Variants in EYA2 observed in about 807,000 individuals in gnomAD.
EYA2 encodes EYA transcriptional coactivator and phosphatase 2.
In EYA2, 31 loss-of-function variants were observed where a neutral mutation model predicts 69.2. The ratio of observed to expected loss-of-function variants is 0.45; its 90% CI spans 0.34 to 0.60. EYA2 has a LOEUF of 0.60. EYA2 is among the 20% of genes least tolerant of loss of function. EYA2 has a pLI of 0.02. For missense variants in EYA2, 622 were observed against 701.2 expected (o/e 0.89, Z 1.28); for synonymous variants, 257 against 279.4 (o/e 0.92, Z 0.80).
chr20:47,074,009 G>T, intron 6 of EYA2, 149 bp from the exon 7 acceptor site: 1 of 653,482 alleles, frequency 1.5e-6, no homozygotes, highest in East Asian at 3.1e-5. Context: ...CTTGCCCCGG[G>T]GTCTGCTTCT....
rs566211784 is a variant in EYA2 at position 47,188,032 on chromosome 20, G to A, written c.1537-21G>A. 20 of 1,556,192 alleles carry A rather than the reference G, an allele frequency of 1.3e-5. 1 individual carries two copies. In the African/African-American group the frequency reaches 1.5e-4, roughly 12 times the overall value. On this transcript the variant is annotated intron_variant, in intron 15 of 15. Coordinates refer to ENST00000327619, the MANE Select transcript of EYA2 (RefSeq NM_005244.5). ...GGCAGGGGCGGGGCCATAACCTTGTGGCTGGTGTTCTGTGTTTCAGCACAA... is the reference window on the plus strand; with the variant it reads ...GGCAGGGGCGGGGCCATAACCTTGTAGCTGGTGTTCTGTGTTTCAGCACAA...
chr20:47,118,675 G>A (rs1206012461), intron 9 of EYA2, among the ~76,000 whole-genome samples: 3 of 152,180 alleles, frequency 2.0e-5, no homozygotes, highest in Non-Finnish European at 2.9e-5. Context: ...TGTCAGAAAA[G>A]TGCTCATTAG....
At chr20:47,038,793 C>T (rs113746790) in intron 5 of EYA2, among the ~76,000 whole-genome samples, 1 of 152,172 alleles carries the variant, frequency 6.6e-6, no homozygotes, top group Non-Finnish European at 1.5e-5. Flanking sequence ...TGGCAGCCAC[C>T]GAGGACTTCC....
intron 11 of EYA2, 28 bp downstream of exon 11, chr20:47,169,225 C>CATTGATTG: frequency 6.2e-7 from 1 of 1,600,974 alleles, no homozygotes; most frequent in Non-Finnish European, 8.6e-7. Context: ...CAAAAATGCC[C>CATTGATTG]ATTGATTGAT....
At chr20:47,036,003 C>G (rs183616562) in intron 5 of EYA2, among the ~76,000 whole-genome samples, 1 of 152,006 alleles carries the variant, frequency 6.6e-6, no homozygotes. Context: ...AGAGTAAGAC[C>G]CTATTTCAAA....
At chr20:46,964,362 G>T (rs974623735) in intron 1 of EYA2, among the ~76,000 whole-genome samples, 1 of 152,182 alleles carries the variant, frequency 6.6e-6, no homozygotes, top group Non-Finnish European at 1.5e-5. Flanking sequence ...AGTGGAGGCT[G>T]GGAGGCGTCT....
At chr20:47,103,138 C>T (rs1002782472) in intron 9 of EYA2, among the ~76,000 whole-genome samples, 6 of 152,154 alleles carry the variant, frequency 3.9e-5, no homozygotes, top group Non-Finnish European at 7.3e-5. Flanking sequence ...TTTACCCTTT[C>T]GATGTGTACA....
intron 4 of EYA2, among the ~76,000 whole-genome samples, chr20:47,007,777 G>A (rs1452563436): frequency 6.6e-6 from 1 of 151,862 alleles, no homozygotes; most frequent in Non-Finnish European, 1.5e-5. Context: ...TACCTCCCCT[G>A]GCTAATTTTT....
At chr20:46,988,283 A>G (rs1455137088) in intron 1 of EYA2, among the ~76,000 whole-genome samples, 3 of 151,852 alleles carry the variant, frequency 2.0e-5, no homozygotes, top group African/African-American at 4.8e-5. Flanking sequence ...TTTATGTTGA[A>G]TAAGCATTTA....
chr20:46,999,479 G>A (rs1381348074), intron 2 of EYA2, among the ~76,000 whole-genome samples: 1 of 152,124 alleles, frequency 6.6e-6, no homozygotes, highest in Non-Finnish European at 1.5e-5. Context: ...TACATGATGC[G>A]AAATATATTT....
intron 1 of EYA2, among the ~76,000 whole-genome samples, chr20:46,915,686 A>T (rs1000413395): frequency 2.0e-5 from 3 of 152,064 alleles, no homozygotes; most frequent in African/African-American, 7.2e-5. Flanking sequence ...AAATTAGGAG[A>T]TTCCATATAA....
At chr20:47,122,338 G>A (rs1205449166) in intron 9 of EYA2, among the ~76,000 whole-genome samples, 1 of 132,700 alleles carries the variant, frequency 7.5e-6, no homozygotes, top group Non-Finnish European at 1.5e-5. Context: ...CTGTCGCCTA[G>A]GCTGGAGTGC....
At chr20:47,085,569 C>T (rs1482807510) in intron 7 of EYA2, among the ~76,000 whole-genome samples, 2 of 151,392 alleles carry the variant, frequency 1.3e-5, no homozygotes, top group African/African-American at 4.9e-5. Flanking sequence ...TCGCTTGAAC[C>T]GGGGAGGCGG....
chr20:47,035,737 C>G (rs879473775), intron 5 of EYA2, among the ~76,000 whole-genome samples: 8 of 151,884 alleles, frequency 5.3e-5, no homozygotes, highest in Non-Finnish European at 1.2e-4. Flanking sequence ...AATACTGGGC[C>G]GGGCTTGGTG....
chr20:46,935,979 G>A (rs933667318), intron 1 of EYA2, among the ~76,000 whole-genome samples: 42 of 152,176 alleles, frequency 2.8e-4, no homozygotes, highest in African/African-American at 9.6e-4. Flanking sequence ...CGGCTCAAGG[G>A]CAGTGCTCAC....
At chr20:47,057,516 C>CG (rs1555818682) in intron 5 of EYA2, among the ~76,000 whole-genome samples, 5 of 150,440 alleles carry the variant, frequency 3.3e-5, no homozygotes, top group East Asian at 2.0e-4. Context: ...TATCACCCCC[C>CG]CCCCCCATCT....
At position 46,954,314 on chromosome 20, in the gene EYA2, C is replaced by T. The variant is rs529500490; in HGVS notation, c.-10-35687C>T. ...CATGCCTCACTCCTAGAACAACGAT[C>T]GGCACATAGTAAAAGTTCAATAAAT... On this transcript the variant is annotated intron_variant, in intron 1 of 15. Coordinates refer to ENST00000327619, the MANE Select transcript of EYA2 (RefSeq NM_005244.5). Among the ~76,000 whole-genome samples, 9 of 152,174 alleles carry T rather than the reference C, an allele frequency of 5.9e-5. No individual in the cohort carries two copies. The South Asian group carries it at 8.3e-4, about 14-fold the overall frequency.
At chr20:46,906,217 C>A (rs547107213) in intron 1 of EYA2, among the ~76,000 whole-genome samples, 2 of 152,248 alleles carry the variant, frequency 1.3e-5, no homozygotes, top group Non-Finnish European at 2.9e-5. Context: ...AAGTGGCACA[C>A]AGCCATGGCA....
intron 11 of EYA2, among the ~76,000 whole-genome samples, chr20:47,170,634 G>A (rs1419403000): frequency 2.7e-5 from 4 of 149,542 alleles, no homozygotes; most frequent in African/African-American, 9.9e-5. Flanking sequence ...GGTACAGAGC[G>A]AGACTCCGTC....
Sources: gnomAD v4.1 joint callset for allele counts (sites outside exome capture counted in the v4.1 genomes callset) on GRCh38, gnomAD v4.1.1 for gene constraint, MANE v1.5 for transcripts, NCBI Gene and HGNC (gene_info 2026-07-23, HGNC 2026-07-21) for gene names.